Variants in NEMP2 observed in about 807,000 individuals in gnomAD.
The protein encoded by NEMP2 is UPF0571 transmembrane protein.
In NEMP2, 53 loss-of-function variants were observed where a neutral mutation model predicts 54.2. That is an observed-to-expected ratio of 0.98 (90% CI 0.78 to 1.23). NEMP2 has a LOEUF of 1.23. Among genes scored for constraint, NEMP2 ranks in the 50% most tolerant of loss-of-function variants. The probability of loss-of-function intolerance (pLI) is 0.00; values close to 1 mark genes in which losing one functional copy is unlikely to be tolerated. For synonymous variants in NEMP2, 197 were observed against 190.3 expected (o/e 1.04, Z -0.29); for missense variants, 455 against 511.3 (o/e 0.89, Z 1.06).
At chr2:190,421,752 G>T in the NEMP2 span, among the ~76,000 whole-genome samples, 2 of 152,126 alleles carry the variant, frequency 1.3e-5, no homozygotes, top group African/African-American at 4.8e-5. Context: ...TTAAAGATGG[G>T]ATCTCACTAT....
At chr2:190,423,987 T>C in the NEMP2 span, among the ~76,000 whole-genome samples, 1 of 152,228 alleles carries the variant, frequency 6.6e-6, no homozygotes, top group African/African-American at 2.4e-5. The surrounding 1 kb of genome is among the most constrained non-coding windows in gnomAD (Gnocchi z 4.3). Flanking sequence ...ATTTTCTAAT[T>C]GGATTGTTTG....
chr2:190,545,268 A>G, the NEMP2 span, among the ~76,000 whole-genome samples: 2 of 152,324 alleles, frequency 1.3e-5, no homozygotes, highest in East Asian at 3.9e-4. Flanking sequence ...CTTGATTCCT[A>G]AGGAGCCTCT....
At chr2:190,602,315 G>A in the NEMP2 span, among the ~76,000 whole-genome samples, 1 of 152,176 alleles carries the variant, frequency 6.6e-6, no homozygotes, top group Non-Finnish European at 1.5e-5. Flanking sequence ...AGGGCATCAG[G>A]CTGGAAACGC....
the NEMP2 span, among the ~76,000 whole-genome samples, chr2:190,482,076 C>T: frequency 0.013 from 1,934 of 152,238 alleles, 59 homozygotes; most frequent in African/African-American, 0.044. Context: ...AAGGATAGCA[C>T]GTGGGAAATT....
At chr2:190,497,672 A>T in the NEMP2 span, 3 of 1,614,170 alleles carry the variant, frequency 1.9e-6, no homozygotes, top group Non-Finnish European at 2.5e-6. This position sits in a 1 kb window ranked among gnomAD's most constrained non-coding sequence, Gnocchi z 5.2. Flanking sequence ...TAAAGAGATG[A>T]TGCAACTCAC....
At chr2:190,591,964 T>C in the NEMP2 span, among the ~76,000 whole-genome samples, 3 of 152,122 alleles carry the variant, frequency 2.0e-5, no homozygotes, top group Admixed American at 2.0e-4. The surrounding 1 kb of genome is among the most constrained non-coding windows in gnomAD (Gnocchi z 5.4). Flanking sequence ...AACTACAAAA[T>C]GTTAAATGGG....
chr2:190,619,267 G>C, the NEMP2 span, among the ~76,000 whole-genome samples: 2 of 151,540 alleles, frequency 1.3e-5, no homozygotes, highest in Middle Eastern at 3.2e-3. This position sits in a 1 kb window ranked among gnomAD's most constrained non-coding sequence, Gnocchi z 5.5. Flanking sequence ...AGTCCCAGCT[G>C]CTTGGGGGCT....
chr2:190,556,981 A>T, the NEMP2 span, among the ~76,000 whole-genome samples: 5 of 152,218 alleles, frequency 3.3e-5, no homozygotes, highest in East Asian at 9.6e-4. Flanking sequence ...ATTACTTTAA[A>T]TTTCATATGG....
the NEMP2 span, among the ~76,000 whole-genome samples, chr2:190,577,788 G>A: frequency 0.017 from 2,535 of 152,252 alleles, 79 homozygotes; most frequent in African/African-American, 0.057. The surrounding 1 kb of genome is among the most constrained non-coding windows in gnomAD (Gnocchi z 4.8). Context: ...CAGGAGAATC[G>A]CTTGAGCCTG....
At chr2:190,558,637 C>G in the NEMP2 span, among the ~76,000 whole-genome samples, 17 of 152,232 alleles carry the variant, frequency 1.1e-4, no homozygotes, top group East Asian at 2.3e-3. This position sits in a 1 kb window ranked among gnomAD's most constrained non-coding sequence, Gnocchi z 4.4. Context: ...CACCATGTAA[C>G]CCTAAAGTGG....
At chr2:190,461,845 ATTT>A in the NEMP2 span, among the ~76,000 whole-genome samples, 4 of 149,882 alleles carry the variant, frequency 2.7e-5, no homozygotes, top group African/African-American at 9.8e-5. This position sits in a 1 kb window ranked among gnomAD's most constrained non-coding sequence, Gnocchi z 5.5. Flanking sequence ...ACCAGTTTTA[ATTT>A]TTTTTTTAGT....
chr2:190,635,669 AT>A, the NEMP2 span, among the ~76,000 whole-genome samples: 1 of 152,152 alleles, frequency 6.6e-6, no homozygotes, highest in East Asian at 1.9e-4. The surrounding 1 kb of genome is among the most constrained non-coding windows in gnomAD (Gnocchi z 4.1). Flanking sequence ...AATATACATC[AT>A]TTCCAATTTT....
chr2:190,505,760 T>C lies in NEMP2; in HGVS notation c.*3429A>G, dbSNP rs759646397. On this transcript the variant is annotated 3_prime_UTR_variant, in exon 9 of 9. Transcript: ENST00000409150. This position sits in a 1 kb window ranked among gnomAD's most constrained non-coding sequence, Gnocchi z 5.8. ...GAGGGGGTGGGATGTTTGTCAATAA[T>C]GAAGATTAGAAAAACAGCAGTCACA... The C allele has an allele frequency of 1.3e-5, 2 of 152,148 alleles. No individual in the cohort carries two copies. The highest frequency in any genetic ancestry group is 4.1e-4 in the South Asian group (2 of 4,822). 9.4% of individuals were successfully genotyped at this position (152,148 alleles called of 1,614,324 possible). A position where few individuals can be genotyped will look rare whatever the true frequency, so the allele number is the denominator to read the frequency against.
At chr2:190,581,873 A>T in the NEMP2 span, among the ~76,000 whole-genome samples, 17 of 152,156 alleles carry the variant, frequency 1.1e-4, no homozygotes, top group Non-Finnish European at 1.8e-4. Context: ...ATTCCTAAAA[A>T]GTCATATTGG....
At chr2:190,432,420 G>A in the NEMP2 span, among the ~76,000 whole-genome samples, 1 of 152,062 alleles carries the variant, frequency 6.6e-6, no homozygotes, top group Non-Finnish European at 1.5e-5. Flanking sequence ...TTTCTTGTTT[G>A]TTTTTGTTTT....
rs1690430134 is a variant in NEMP2, at chr2:190,513,160, T to A, written c.953+1293A>T. ...AGATGGGCCACATCCCACCAGCCAA[T>A]GAGTATTTATGGTCTCTGGTGTGAT... On this transcript the variant is annotated intron_variant, in intron 7 of 8. Coordinates refer to ENST00000409150, the MANE Select transcript of NEMP2 (RefSeq NM_001142645.2). The surrounding 1 kb of genome is among the most constrained non-coding windows in gnomAD (Gnocchi z 5.3). Among the ~76,000 whole-genome samples the A allele has an allele frequency of 6.6e-6, 1 of 152,236 alleles. No homozygotes were observed. The highest frequency in any genetic ancestry group is 6.5e-5 in the Admixed American group (1 of 15,290).
the NEMP2 span, among the ~76,000 whole-genome samples, chr2:190,560,434 T>G: frequency 1.3e-5 from 2 of 152,230 alleles, no homozygotes; most frequent in Non-Finnish European, 2.9e-5. This position sits in a 1 kb window ranked among gnomAD's most constrained non-coding sequence, Gnocchi z 5.4. Flanking sequence ...AATTTCTATA[T>G]CTACTCATTT....
At chr2:190,578,879 G>A in the NEMP2 span, among the ~76,000 whole-genome samples, 1 of 152,134 alleles carries the variant, frequency 6.6e-6, no homozygotes, top group Non-Finnish European at 1.5e-5. This position sits in a 1 kb window ranked among gnomAD's most constrained non-coding sequence, Gnocchi z 4.4. Flanking sequence ...CTCCTTTGTG[G>A]GAACGGATCA....
the NEMP2 span, among the ~76,000 whole-genome samples, chr2:190,560,146 G>A: frequency 2.0e-5 from 3 of 152,296 alleles, no homozygotes; most frequent in Admixed American, 2.0e-4. This position sits in a 1 kb window ranked among gnomAD's most constrained non-coding sequence, Gnocchi z 5.4. Context: ...CTGTGTTAGA[G>A]ATAAAAACTA....
Sources: allele counts gnomAD v4.1 joint callset (sites outside exome capture counted in the v4.1 genomes callset), GRCh38; gene constraint gnomAD v4.1.1; non-coding constraint Gnocchi (gnomAD v3.1); transcripts MANE v1.5; gene names NCBI Gene and HGNC (gene_info 2026-07-23, HGNC 2026-07-21).